Variants in KLHDC4 observed in about 807,000 individuals in gnomAD.
The protein encoded by KLHDC4 is kelch domain containing 4.
In KLHDC4, 90 loss-of-function variants were observed where a neutral mutation model predicts 62.4. That is an observed-to-expected ratio of 1.44 (90% CI 1.22 to 1.72). The LOEUF (loss-of-function observed/expected upper bound fraction) is 1.72. Ranked by LOEUF, KLHDC4 falls within the 40% of genes most tolerant of loss-of-function variation. The pLI is 0.00. For missense variants in KLHDC4, 1,025 were observed against 699.7 expected (o/e 1.47, Z -5.25); for synonymous variants, 386 against 284.4 (o/e 1.36, Z -3.59).
At chr16:87,728,119 G>A (rs576341774) in intron 6 of KLHDC4, among the ~76,000 whole-genome samples, 1 of 152,290 alleles carries the variant, frequency 6.6e-6, no homozygotes, top group Non-Finnish European at 1.5e-5. Flanking sequence ...CCTACGAGGT[G>A]GAGGCTACAG....
exon 1 of KLHDC4, chr16:87,698,832 C>CGGGCA (rs944864257): frequency 2.5e-4 from 38 of 152,376 alleles, no homozygotes; most frequent in African/African-American, 8.9e-4. Flanking sequence ...TGCACACAGT[C>CGGGCA]GGGCAGGGCA....
rs754194470 is a variant in KLHDC4 at position 87,761,988 on chromosome 16, G to T, written c.152C>A (p.Thr51Asn). Residue 51 changes from threonine to asparagine, a missense_variant, in exon 2 of 12, where the codon ACT (threonine) becomes AAT (asparagine). Physicochemically the swap from Thr to Asn is moderately conservative, Grantham distance 65 (BLOSUM62 0). Coordinates refer to ENST00000270583, the MANE Select transcript of KLHDC4 (RefSeq NM_017566.4). Reference sequence around the variant, plus strand: ...GGGGCACGGAAGTTCCACAGTCTGAGTCCTCTTGGCATCGAGTGTCTGGAA... The same window carrying T: ...GGGGCACGGAAGTTCCACAGTCTGATTCCTCTTGGCATCGAGTGTCTGGAA... Reference protein sequence around the residue: ...AHFQTLDAKRTQTVELPCPPP... With the variant: ...AHFQTLDAKRNQTVELPCPPP... 1.2e-6 allele frequency: 2 copies of T among 1,614,010 alleles called. No individual in the cohort carries two copies. Among genetic ancestry groups the T allele is most frequent in the Non-Finnish European group, 1.7e-6 (2 of 1,179,970 alleles).
intron 10 of KLHDC4, among the ~76,000 whole-genome samples, chr16:87,708,919 G>A (rs536834075): frequency 8.5e-5 from 13 of 152,384 alleles, no homozygotes; most frequent in African/African-American, 2.6e-4. Context: ...CCTGGGTCAG[G>A]CAGCAAGGCT....
downstream of KLHDC4, among the ~76,000 whole-genome samples, chr16:87,705,186 G>A (rs1280783170): frequency 9.9e-5 from 15 of 152,200 alleles, no homozygotes; most frequent in Non-Finnish European, 1.5e-5. Context: ...GCCGCGCCGC[G>A]CCAGCAGCTC....
At chr16:87,715,554 G>A (rs753695364) in intron 7 of KLHDC4, among the ~76,000 whole-genome samples, 4 of 152,116 alleles carry the variant, frequency 2.6e-5, no homozygotes, top group Admixed American at 6.6e-5. Context: ...GAGCTTCTCC[G>A]ACTCTCCTTG....
At chr16:87,733,794 C>T (rs538518131) in intron 5 of KLHDC4, among the ~76,000 whole-genome samples, 10 of 151,648 alleles carry the variant, frequency 6.6e-5, no homozygotes, top group South Asian at 2.1e-4. Flanking sequence ...TGACCTGCCT[C>T]GCCTCCTACT....
At chr16:87,732,756 T>C in intron 5 of KLHDC4, among the ~76,000 whole-genome samples, 1 of 152,172 alleles carries the variant, frequency 6.6e-6, no homozygotes, top group South Asian at 2.1e-4. Flanking sequence ...GCAAATCCTA[T>C]CCCAGCTTCT....
intron 7 of KLHDC4, among the ~76,000 whole-genome samples, chr16:87,720,651 G>A (rs1453841909): frequency 2.6e-5 from 4 of 152,238 alleles, no homozygotes; most frequent in African/African-American, 4.8e-5. Context: ...GCCCAACCAC[G>A]TGTCGCGAGA....
At chr16:87,722,678 G>A (rs1036586038) in intron 7 of KLHDC4, among the ~76,000 whole-genome samples, 5 of 152,254 alleles carry the variant, frequency 3.3e-5, no homozygotes, top group African/African-American at 1.2e-4. Context: ...ACACGCAGGG[G>A]GATGGAAACT....
intron 7 of KLHDC4, among the ~76,000 whole-genome samples, chr16:87,721,649 C>T (rs1022095304): frequency 6.6e-6 from 1 of 152,174 alleles, no homozygotes; most frequent in Admixed American, 6.5e-5. Context: ...AGTCCACACT[C>T]GCAACAACTC....
At position 87,708,486 on chromosome 16, in the gene KLHDC4, G is replaced by A. The variant is rs2290018; in HGVS notation, c.1448-20C>T. Reference sequence around the variant, plus strand: ...GAGTTTCTTCAAAAGCAGAATGAACGCACATACACGTCAGCGCAGCTGAGG... The same window carrying A: ...GAGTTTCTTCAAAAGCAGAATGAACACACATACACGTCAGCGCAGCTGAGG... On this transcript the variant is annotated intron_variant, in intron 10 of 11. Transcript: ENST00000270583. 0.41 allele frequency: 646,676 copies of A among 1,577,932 alleles called. 134,620 individuals are homozygous for A. The highest frequency in any genetic ancestry group is 0.43 in the Non-Finnish European group (491,565 of 1,155,332).
At chr16:87,723,994 G>A (rs12926640) in intron 7 of KLHDC4, among the ~76,000 whole-genome samples, 8,716 of 152,122 alleles carry the variant, frequency 0.057, 318 homozygotes, top group South Asian at 0.15. Context: ...GCCCCACCAC[G>A]CCTGGCTAAT....
chr16:87,759,085 T>G (rs1043322418), intron 2 of KLHDC4, among the ~76,000 whole-genome samples: 1 of 151,994 alleles, frequency 6.6e-6, no homozygotes, highest in Non-Finnish European at 1.5e-5. Context: ...TGAGGAAGAA[T>G]TGCTTGAACC....
At chr16:87,722,478 C>G (rs1450823554) in intron 7 of KLHDC4, among the ~76,000 whole-genome samples, 3 of 152,226 alleles carry the variant, frequency 2.0e-5, no homozygotes, top group Admixed American at 6.5e-5. Context: ...ATGTCAAACT[C>G]TGGAGCCTTG....
At chr16:87,715,829 A>G (rs1224648180) in intron 7 of KLHDC4, among the ~76,000 whole-genome samples, 1 of 152,190 alleles carries the variant, frequency 6.6e-6, no homozygotes, top group Non-Finnish European at 1.5e-5. Context: ...ATATTGACAC[A>G]GACTTCGGCC....
intron 3 of KLHDC4, chr16:87,755,670 G>C (rs1014442607): frequency 3.1e-5 from 6 of 191,464 alleles, no homozygotes; most frequent in Admixed American, 2.2e-4. Context: ...AGGTGCAAGT[G>C]ATTCTCTGCC....
chr16:87,707,757 C>T (rs1348428403), downstream of KLHDC4: 1 of 323,296 alleles, frequency 3.1e-6, no homozygotes, highest in Non-Finnish European at 6.1e-6. Context: ...GGGGCAGAGG[C>T]CCCGGGAAGA....
chr16:87,756,322 G>A, intron 3 of KLHDC4, 77 bp downstream of exon 3: 1 of 1,114,080 alleles, frequency 9.0e-7, no homozygotes, highest in Non-Finnish European at 1.4e-6. Context: ...CATATTTGAT[G>A]TCACTGCCTT....
At chr16:87,753,597 C>T (rs964177968) in intron 4 of KLHDC4, among the ~76,000 whole-genome samples, 3 of 150,850 alleles carry the variant, frequency 2.0e-5, no homozygotes, top group East Asian at 3.9e-4. Flanking sequence ...GTCAGGAGTT[C>T]GAAACCAGCC....
Sources: allele counts gnomAD v4.1 joint callset (sites outside exome capture counted in the v4.1 genomes callset), GRCh38; gene constraint gnomAD v4.1.1; transcripts MANE v1.5; gene names NCBI Gene and HGNC (gene_info 2026-07-23, HGNC 2026-07-21).